The following AGBL1 variants were observed in gnomAD, a reference collection of about 807,000 sequenced individuals.
AGBL1 encodes AGBL carboxypeptidase 1.
In AGBL1, 130 loss-of-function variants were observed where a neutral mutation model predicts 118.9. That is an observed-to-expected ratio of 1.09 (90% CI 0.95 to 1.26). AGBL1 has a LOEUF of 1.26. AGBL1 is among the 50% of genes most tolerant of loss of function. The pLI, the probability that AGBL1 is intolerant of heterozygous loss-of-function variation, is 0.00. For missense variants in AGBL1, 1,584 were observed against 1,298.1 expected (o/e 1.22, Z -3.38); for synonymous variants, 555 against 478.9 (o/e 1.16, Z -2.08).
intron 21 of AGBL1, among the ~76,000 whole-genome samples, chr15:86,572,465 C>T (rs1324920561): frequency 1.3e-5 from 2 of 152,202 alleles, no homozygotes; most frequent in Admixed American, 6.5e-5. Context: ...CAGCTCAGCC[C>T]GGCCCCATCG....
At chr15:86,572,032 G>C (rs189751057) in intron 21 of AGBL1, among the ~76,000 whole-genome samples, 168 of 152,322 alleles carry the variant, frequency 1.1e-3, no homozygotes, top group Non-Finnish European at 1.8e-3. Flanking sequence ...GCCGGCAGGC[G>C]TCTGGCATGT....
At chr15:86,933,829 C>A (rs892757460) in intron 23 of AGBL1, among the ~76,000 whole-genome samples, 1 of 152,176 alleles carries the variant, frequency 6.6e-6, no homozygotes, top group African/African-American at 2.4e-5. Context: ...ACATAGGCTC[C>A]CTTGCCGGAG....
At chr15:86,792,113 A>G (rs1388149290) in intron 22 of AGBL1, among the ~76,000 whole-genome samples, 1 of 152,180 alleles carries the variant, frequency 6.6e-6, no homozygotes, top group African/African-American at 2.4e-5. Flanking sequence ...ATGATTCTAT[A>G]TCTAACTCCA....
chr15:86,790,114 G>A (rs1309703940), intron 22 of AGBL1, among the ~76,000 whole-genome samples: 1 of 152,020 alleles, frequency 6.6e-6, no homozygotes, highest in Non-Finnish European at 1.5e-5. Context: ...TTCTGAAGAA[G>A]GTACACAGAG....
rs568409586 is a variant in AGBL1 at position 86,175,172 on chromosome 15, T to C, written c.488+16146T>C. Among the ~76,000 whole-genome samples, 228 of 152,192 alleles carry C rather than the reference T, an allele frequency of 1.5e-3. 1 individual carries two copies. The highest frequency in any genetic ancestry group is 5.1e-3 in the African/African-American group (212 of 41,558). ...TTGTTGTTGTTGTTAGGGGACTTTT[T>C]ATTACTCATTCAATCTTGTACTCAT... On this transcript the variant is annotated intron_variant, in intron 5 of 22. Coordinates refer to ENST00000614907, the MANE Select transcript of AGBL1 (RefSeq NM_001386094.1).
chr15:86,468,877 C>T (rs2082441313), intron 18 of AGBL1, among the ~76,000 whole-genome samples: 1 of 152,130 alleles, frequency 6.6e-6, no homozygotes, highest in South Asian at 2.1e-4. Context: ...TTTGCCTCCC[C>T]TCTTGGAACC....
intron 23 of AGBL1, among the ~76,000 whole-genome samples, chr15:86,958,553 A>G (rs867250550): frequency 6.6e-6 from 1 of 152,186 alleles, no homozygotes; most frequent in African/African-American, 2.4e-5. Context: ...TTCTGCAACA[A>G]TTAGCTGTTT....
chr15:86,503,574 C>T (rs1315822525), intron 18 of AGBL1, among the ~76,000 whole-genome samples: 1 of 151,142 alleles, frequency 6.6e-6, no homozygotes, highest in Admixed American at 6.6e-5. Flanking sequence ...CAGGCATTTA[C>T]AAATATGTAT....
chr15:86,179,008 C>T lies in AGBL1; in HGVS notation c.488+19982C>T, dbSNP rs114479169. 5.5e-3 allele frequency among the ~76,000 whole-genome samples: 834 copies of T among 152,304 alleles called. 7 individuals carry two copies. Among genetic ancestry groups the T allele is most frequent in the African/African-American group, 0.017 (725 of 41,568 alleles). ...GCGAAGGGTAGAGGATATAGGTTAG[C>T]ATCATCTGGTTGTGATGATTATCTT... On this transcript the variant is annotated intron_variant, in intron 5 of 22. Coordinates refer to ENST00000614907, the MANE Select transcript of AGBL1 (RefSeq NM_001386094.1).
chr15:86,503,708 A>G (rs953201387), intron 18 of AGBL1, among the ~76,000 whole-genome samples: 5 of 151,264 alleles, frequency 3.3e-5, no homozygotes, highest in African/African-American at 1.2e-4. Context: ...TTAGGAGTGC[A>G]TTGTTTAATT....
At position 86,152,274 on chromosome 15, in the gene AGBL1, C is replaced by T. The variant is rs1397617706; in HGVS notation, c.263-2156C>T. ...TGCTACCTGACTTCAAACTATATTA[C>T]AAGGCTACAGTAACCAAAACAGCAT... On this transcript the variant is annotated intron_variant, in intron 3 of 22. Coordinates refer to ENST00000614907, the MANE Select transcript of AGBL1 (RefSeq NM_001386094.1). Among the ~76,000 whole-genome samples the T allele has an allele frequency of 5.9e-5, 9 of 152,142 alleles. No homozygotes were observed. The East Asian group carries it at 1.2e-3, about 20-fold the overall frequency.
intron 21 of AGBL1, among the ~76,000 whole-genome samples, chr15:86,571,990 C>G (rs949123459): frequency 1.3e-5 from 2 of 152,226 alleles, no homozygotes; most frequent in Non-Finnish European, 2.9e-5. Context: ...CCCTCCCATG[C>G]TTGTTGGTGC....
intron 6 of AGBL1, among the ~76,000 whole-genome samples, chr15:86,227,872 G>A (rs943748671): frequency 6.6e-6 from 1 of 152,220 alleles, no homozygotes; most frequent in Non-Finnish European, 1.5e-5. Context: ...CTGAGAATGA[G>A]GAGGGCAAAT....
At chr15:86,575,390 C>A (rs2084076002) in intron 21 of AGBL1, among the ~76,000 whole-genome samples, 1 of 150,558 alleles carries the variant, frequency 6.6e-6, no homozygotes, top group South Asian at 2.1e-4. Context: ...GTTTTGGCTA[C>A]AAGGGAGGCT....
At chr15:86,526,902 T>C (rs1182753292) in intron 19 of AGBL1, among the ~76,000 whole-genome samples, 2 of 152,086 alleles carry the variant, frequency 1.3e-5, no homozygotes, top group African/African-American at 4.8e-5. Context: ...TTGGGTACAA[T>C]GTACACTATT....
At chr15:86,311,520 A>T (rs1204092835) in intron 17 of AGBL1, among the ~76,000 whole-genome samples, 1 of 152,162 alleles carries the variant, frequency 6.6e-6, no homozygotes, top group South Asian at 2.1e-4. Context: ...TCCTTAGCAG[A>T]TAGTAAGAAT....
At chr15:87,012,820 G>A (rs1270350062) in intron 24 of AGBL1, among the ~76,000 whole-genome samples, 1 of 152,018 alleles carries the variant, frequency 6.6e-6, no homozygotes, top group Admixed American at 6.6e-5. Flanking sequence ...GTTCTGTATG[G>A]CTGAGATATA....
chr15:86,224,815 T>G, intron 5 of AGBL1, 99 bp from the exon 6 acceptor site: 1 of 1,092,886 alleles, frequency 9.2e-7, no homozygotes, highest in South Asian at 1.3e-5. Flanking sequence ...TAATCATGGG[T>G]CTGTTATGGG....
chr15:86,567,916 G>A (rs910000696), intron 21 of AGBL1, among the ~76,000 whole-genome samples: 11 of 152,078 alleles, frequency 7.2e-5, no homozygotes, highest in African/African-American at 2.2e-4. Flanking sequence ...GAGAGACTGA[G>A]GCAGGATAGT....
Sources: gnomAD v4.1 joint callset for allele counts (sites outside exome capture counted in the v4.1 genomes callset) on GRCh38, gnomAD v4.1.1 for gene constraint, MANE v1.5 for transcripts, NCBI Gene and HGNC (gene_info 2026-07-23, HGNC 2026-07-21) for gene names.